Variants in PCDH15 observed in about 807,000 individuals in gnomAD.
The protein encoded by PCDH15 is protocadherin related 15, also known as protocadherin-15.
Under a neutral mutation model 178.5 loss-of-function variants are expected in PCDH15, and 129 were observed. The ratio of observed to expected loss-of-function variants is 0.72; its 90% confidence interval spans 0.63 to 0.84. PCDH15 has a LOEUF of 0.84. PCDH15 is among the 40% of genes least tolerant of loss of function. The pLI is 0.00. For synonymous variants in PCDH15, 800 were observed against 732.0 expected (o/e 1.09, Z -1.50); for missense variants, 2,230 against 2,099.9 (o/e 1.06, Z -1.21).
chr10:54,032,947 A>G (rs908613818), intron 18 of PCDH15, among the ~76,000 whole-genome samples: 1 of 151,894 alleles, frequency 6.6e-6, no homozygotes, highest in East Asian at 1.9e-4. Flanking sequence ...AAACCATCAG[A>G]TCTAGTAAGA....
In PCDH15 at chr10:54,185,257, T is replaced by C. The variant is rs768151894; in HGVS notation, c.1317A>G (p.Pro439=). The C allele has an allele frequency of 3.1e-6, 5 of 1,613,602 alleles. No homozygotes were observed. The highest frequency in any genetic ancestry group is 4.2e-6 in the Non-Finnish European group (5 of 1,179,640). The part of the protein sequence containing the change: ...LDKDIEDTKD[P]ELHLFLNDYT... ...AGTCATTCAGAAAAAGGTGAAGCTC[T>C]GGGTCTTTTGTCTTTGAAAAAAAAT... Residue 439 remains proline, a synonymous_variant, in exon 12 of 38, where the codon CCA becomes CCG. Coordinates refer to ENST00000644397, the MANE Select transcript of PCDH15 (RefSeq NM_001384140.1).
At chr10:53,988,366 G>A (rs2091249392) in intron 21 of PCDH15, among the ~76,000 whole-genome samples, 1 of 152,178 alleles carries the variant, frequency 6.6e-6, no homozygotes, top group African/African-American at 2.4e-5. Context: ...GGGGGAGGGT[G>A]TGGGTGCCAA....
At chr10:53,925,124 C>T (rs1038689088) in intron 25 of PCDH15, among the ~76,000 whole-genome samples, 2 of 152,140 alleles carry the variant, frequency 1.3e-5, no homozygotes, top group Non-Finnish European at 2.9e-5. Context: ...CTCTTCCACA[C>T]TGTGGAAGCT....
intron 2 of PCDH15, among the ~76,000 whole-genome samples, chr10:54,899,225 C>T (rs958037520): frequency 1.3e-5 from 2 of 152,026 alleles, no homozygotes; most frequent in African/African-American, 4.8e-5. Context: ...GAAGATGATG[C>T]AAATAACTGA....
chr10:54,127,388 G>A (rs919440636), intron 15 of PCDH15, among the ~76,000 whole-genome samples: 1 of 152,168 alleles, frequency 6.6e-6, no homozygotes, highest in Admixed American at 6.5e-5. Context: ...GTAAGTGATT[G>A]TTCTTTTCAA....
chr10:54,540,160 A>C (rs972243719), intron 2 of PCDH15, among the ~76,000 whole-genome samples: 1 of 152,176 alleles, frequency 6.6e-6, no homozygotes, highest in African/African-American at 2.4e-5. Context: ...TCAGGGCAGG[A>C]CTAAATAAAA....
rs546666227 is a variant in PCDH15 at position 53,857,921 on chromosome 10, G to A, written c.3718-658C>T. Among the ~76,000 whole-genome samples the A allele has an allele frequency of 2.0e-5, 3 of 151,882 alleles. No homozygotes were observed. The South Asian group carries it at 6.2e-4, about 32-fold the overall frequency. ...AATATTTATTCTGTGCTTACAACAT[G>A]GCATTTCATCTTTTCCTCAATATTC... On this transcript the variant is annotated intron_variant, in intron 27 of 37. Coordinates refer to ENST00000644397, the MANE Select transcript of PCDH15 (RefSeq NM_001384140.1).
intron 2 of PCDH15, among the ~76,000 whole-genome samples, chr10:54,913,917 C>A (rs908842930): frequency 2.6e-5 from 4 of 152,158 alleles, no homozygotes; most frequent in African/African-American, 9.7e-5. Flanking sequence ...TTACCCAGTG[C>A]CTGTACCCCC....
chr10:55,553,150 G>A (rs1842030980), intron 2 of PCDH15, among the ~76,000 whole-genome samples: 1 of 150,882 alleles, frequency 6.6e-6, no homozygotes, highest in Non-Finnish European at 1.5e-5. Context: ...CAGAATAAGT[G>A]ATGGTTAGAT....
At chr10:55,406,308 G>T (rs1838197129) in intron 2 of PCDH15, among the ~76,000 whole-genome samples, 1 of 152,118 alleles carries the variant, frequency 6.6e-6, no homozygotes, top group South Asian at 2.1e-4. Context: ...AGGTTATTCT[G>T]CCTGGTGTGT....
Position 53,946,730 on chromosome 10 carries a change from C to T in PCDH15, c.3123-5755G>A, listed in dbSNP as rs551767468. 1.7e-4 allele frequency among the ~76,000 whole-genome samples: 26 copies of T among 152,278 alleles called. No homozygotes were observed. The East Asian group carries it at 5.0e-3, about 29-fold the overall frequency. On this transcript the variant is annotated intron_variant, in intron 23 of 37. Coordinates refer to ENST00000644397, the MANE Select transcript of PCDH15 (RefSeq NM_001384140.1). Reference sequence around the variant, plus strand: ...AGTTAACTGCTTTGGAATTCGCATGCACAATACTTACAATATAACCTCATG... The same window carrying T: ...AGTTAACTGCTTTGGAATTCGCATGTACAATACTTACAATATAACCTCATG...
chr10:54,050,171 C>T lies in PCDH15; in HGVS notation c.2220+16586G>A, dbSNP rs181553126. Among the ~76,000 whole-genome samples, 96 of 152,228 alleles carry T rather than the reference C, an allele frequency of 6.3e-4. 1 individual carries two copies. The highest frequency in any genetic ancestry group is 2.3e-3 in the African/African-American group (94 of 41,554). ...TCTCTGTATGTCTGGTAGAATTTGG[C>T]TGTGAATCCATCCTTTCAAGGGCAT... On this transcript the variant is annotated intron_variant, in intron 18 of 37. Transcript: ENST00000644397.
At chr10:54,625,858 G>C (rs1168968347) in intron 2 of PCDH15, among the ~76,000 whole-genome samples, 1 of 152,182 alleles carries the variant, frequency 6.6e-6, no homozygotes, top group African/African-American at 2.4e-5. Flanking sequence ...CTCAGAAGAA[G>C]AGAGGAAAAT....
rs1307815647 is a variant in PCDH15 at position 55,624,308 on chromosome 10, A to C, written c.-156+3317T>G. 1.3e-5 allele frequency among the ~76,000 whole-genome samples: 2 copies of C among 151,764 alleles called. 1 individual carries two copies. The highest frequency in any genetic ancestry group is 3.9e-4 in the East Asian group (2 of 5,186). On this transcript the variant is annotated intron_variant, in intron 2 of 5. Coordinates refer to the PCDH15 transcript ENST00000613346. ...CAAAAGAGATTATTAGAGCTTCAAT[A>C]AAAAAAATTAAAGAATAAGCTTATA... is the stretch of plus-strand genomic sequence containing the variant.
chr10:55,573,142 G>C (rs1021759502), intron 2 of PCDH15, among the ~76,000 whole-genome samples: 2 of 152,098 alleles, frequency 1.3e-5, no homozygotes, highest in African/African-American at 2.4e-5. Flanking sequence ...TGCAGCTGCA[G>C]ATGTAATGAG....
intron 1 of PCDH15, among the ~76,000 whole-genome samples, chr10:54,758,900 G>T (rs1947508519): frequency 6.6e-6 from 1 of 152,058 alleles, no homozygotes. Flanking sequence ...CAATTTTTCT[G>T]ACTTATGCCT....
chr10:54,524,035 A>G (rs559896818), intron 3 of PCDH15, among the ~76,000 whole-genome samples: 1 of 152,188 alleles, frequency 6.6e-6, no homozygotes, highest in African/African-American at 2.4e-5. Context: ...TTTCAAAGCC[A>G]GTAATTGAAC....
intron 3 of PCDH15, among the ~76,000 whole-genome samples, chr10:54,397,236 C>T (rs1272699694): frequency 1.3e-5 from 2 of 151,972 alleles, no homozygotes; most frequent in Non-Finnish European, 2.9e-5. Context: ...TTTTATAACC[C>T]AGGGATGTCT....
intron 22 of PCDH15, among the ~76,000 whole-genome samples, chr10:53,960,970 G>A (rs2088239631): frequency 6.6e-6 from 1 of 152,102 alleles, no homozygotes; most frequent in South Asian, 2.1e-4. Context: ...ACCTTGCCAG[G>A]TAGAGACAGG....
Sources: allele counts gnomAD v4.1 joint callset (sites outside exome capture counted in the v4.1 genomes callset), GRCh38; gene constraint gnomAD v4.1.1; transcripts MANE v1.5; gene names NCBI Gene and HGNC (gene_info 2026-07-23, HGNC 2026-07-21).